The following RHBG variants were observed in gnomAD, a reference collection of about 807,000 sequenced individuals.
RHBG encodes the protein Rh family B glycoprotein, also known as ammonium transporter Rh type B.
Under a neutral mutation model 40.1 loss-of-function variants are expected in RHBG, and 39 were observed. The observed-to-expected ratio is 0.97, with a 90% CI of 0.75 to 1.27. RHBG has a LOEUF of 1.27. Ranked by LOEUF, RHBG falls within the 50% of genes most tolerant of loss-of-function variation. RHBG has a pLI of 0.00. For missense variants in RHBG, 549 were observed against 588.1 expected (o/e 0.93, Z 0.69); for synonymous variants, 237 against 252.5 (o/e 0.94, Z 0.58).
intron 4 of RHBG, among the ~76,000 whole-genome samples, chr1:156,379,658 C>T (rs1437258852): frequency 6.6e-6 from 1 of 152,154 alleles, no homozygotes; most frequent in African/African-American, 2.4e-5. Flanking sequence ...GAATGAGGCC[C>T]CTTCCTGGAT....
intron 7 of RHBG, chr1:156,382,459 T>G: frequency 3.2e-6 from 2 of 627,648 alleles, no homozygotes; most frequent in Non-Finnish European, 5.5e-6. Flanking sequence ...GATAATGACC[T>G]TTAGGATCTA....
intron 1 of RHBG, among the ~76,000 whole-genome samples, chr1:156,372,033 T>G (rs1666893212): frequency 6.6e-6 from 1 of 152,206 alleles, no homozygotes; most frequent in Non-Finnish European, 1.5e-5. Flanking sequence ...AGCCGGGTCC[T>G]CACCTGTCCT....
At chr1:156,369,497 G>A in intron 1 of RHBG, 61 bp downstream of exon 1, 7 of 1,503,632 alleles carry the variant, frequency 4.7e-6, no homozygotes, top group South Asian at 2.6e-5. Context: ...AGACCCTCCG[G>A]TGTCTTGGGA....
Position 156,382,803 on chromosome 1 carries a change from G to A in RHBG, c.1168G>A (p.Ala390Thr). 6.2e-7 allele frequency: 1 copy of A among 1,614,226 alleles called. No homozygotes were observed. The highest frequency in any genetic ancestry group is 8.5e-7 in the Non-Finnish European group (1 of 1,180,038). ...AEGQRSATSQ[A>T]MHQLFGLFVT... Reference sequence around the variant, plus strand: ...GGGCCAGCGCAGTGCCACGTCACAGGCCATGCACCAGCTCTTCGGGCTGTT... The same window carrying A: ...GGGCCAGCGCAGTGCCACGTCACAGACCATGCACCAGCTCTTCGGGCTGTT... Residue 390 changes from alanine (A) to threonine (T), a missense_variant, in exon 8 of 10, where the codon GCC becomes ACC. Ala to Thr is a moderately conservative substitution (Grantham distance 58). Around this residue, in one of 3 missense-constraint regions of RHBG, gnomAD observed 399 missense variants for 417.0 expected, o/e 0.96. Coordinates refer to ENST00000537040, the MANE Select transcript of RHBG (RefSeq NM_020407.5).
At chr1:156,381,030 G>A (rs1571012776) in intron 4 of RHBG, among the ~76,000 whole-genome samples, 1 of 152,096 alleles carries the variant, frequency 6.6e-6, no homozygotes, top group East Asian at 1.9e-4. Context: ...CCCCCAAGTA[G>A]CTGGAACTAC....
chr1:156,379,426 C>T (rs1251631041), intron 4 of RHBG, among the ~76,000 whole-genome samples: 1 of 152,012 alleles, frequency 6.6e-6, no homozygotes, highest in African/African-American at 2.4e-5. Flanking sequence ...GACTGAAGTA[C>T]CTATTCCTAT....
chr1:156,384,414 G>A (rs756879393), intron 8 of RHBG, 113 bp from the exon 9 acceptor site: 1 of 930,628 alleles, frequency 1.1e-6, no homozygotes, highest in East Asian at 2.4e-5. Flanking sequence ...GCCTGCACAG[G>A]CATCATATTG....
At position 156,382,755 on chromosome 1, in the gene RHBG, A is replaced by G. The variant is rs1557806610; in HGVS notation, c.1120A>G (p.Ser374Gly). ...TATCTGGTCTCCCTGCAGCCTGGAG[A>G]GTGTGTTTCCACTCATAGCCGAGGG... ...THEAYGDGLESVFPLIAEGQR... is the reference protein window; with the variant it reads ...THEAYGDGLEGVFPLIAEGQR... The change falls in exon 8 of 10, where the codon AGT (serine) becomes GGT (glycine). Residue 374 changes from serine (S) to glycine (G), a missense_variant. By Grantham distance (56) the Ser-to-Gly change is moderately conservative. This residue lies in a region of RHBG where 399 missense variants were observed against 417.0 expected (regional missense o/e 0.96). Coordinates refer to ENST00000537040, the MANE Select transcript of RHBG (RefSeq NM_020407.5). 6.2e-7 allele frequency: 1 copy of G among 1,613,902 alleles called. No homozygotes were observed. The highest frequency in any genetic ancestry group is 1.7e-5 in the Admixed American group (1 of 60,004).
chr1:156,381,102 A>C (rs913258115), intron 4 of RHBG, among the ~76,000 whole-genome samples: 2 of 152,052 alleles, frequency 1.3e-5, no homozygotes, highest in Non-Finnish European at 2.9e-5. Context: ...GGATTTCACT[A>C]TGTTGTCCAG....
At chr1:156,370,561 G>A (rs11264478) in intron 1 of RHBG, among the ~76,000 whole-genome samples, 20,327 of 134,986 alleles carry the variant, frequency 0.15, 1,465 homozygotes, top group East Asian at 0.21. Flanking sequence ...GCAGTGAGCC[G>A]AGATTGCACC....
chr1:156,375,455 A>AC (rs1491566204), intron 1 of RHBG, among the ~76,000 whole-genome samples: 3 of 19,892 alleles, frequency 1.5e-4, no homozygotes, highest in African/African-American at 2.9e-4. Flanking sequence ...CATATGGCAC[A>AC]AAAAAAAAAA....
At chr1:156,373,406 A>C (rs1666978782) in intron 1 of RHBG, among the ~76,000 whole-genome samples, 1 of 147,618 alleles carries the variant, frequency 6.8e-6, no homozygotes, top group Admixed American at 6.7e-5. Flanking sequence ...AGCCTGGGCA[A>C]CAGAGCAAGA....
chr1:156,381,898 C>T lies in RHBG; in HGVS notation c.933C>T (p.Gly311=). ...CACCCTTTGGGGCTCTGGCAGCTGG[C>T]TTCTTGGCTGGGACTGTCTCCACGC... is the stretch of plus-strand genomic sequence containing the variant. ...MLTPFGALAA[G]FLAGTVSTLG... is the part of the protein sequence containing the mutation. Residue 311 remains glycine, a synonymous_variant, in exon 6 of 10, where the codon GGC becomes GGT. Transcript: ENST00000537040. 1.2e-6 allele frequency: 2 copies of T among 1,608,816 alleles called. No individual in the cohort carries two copies. The highest frequency in any genetic ancestry group is 1.7e-6 in the Non-Finnish European group (2 of 1,178,932).
rs1167783077 is a variant in RHBG at position 156,384,821 on chromosome 1, G to A, written c.1353G>A (p.Val451=). ...ATAAAGCCCAGAGACCTCTGAGGGT[G>A]GAGGAGGCAGACACTCAGGCCTAAC... is the stretch of plus-strand genomic sequence containing the variant. ...HEDKAQRPLR[V]EEADTQA Residue 451 remains valine (V), a synonymous_variant, in exon 10 of 10, where the codon GTG becomes GTA. Coordinates refer to ENST00000537040, the MANE Select transcript of RHBG (RefSeq NM_020407.5). 6.2e-7 allele frequency: 1 copy of A among 1,613,460 alleles called. No homozygotes were observed. The highest frequency in any genetic ancestry group is 8.5e-7 in the Non-Finnish European group (1 of 1,179,564).
chr1:156,381,858 G>GTGAAA lies in RHBG; in HGVS notation c.897_901dup (p.Met301LysfsTer2). 1 of 1,598,964 alleles carries GTGAAA rather than the reference G, an allele frequency of 6.3e-7. No individual in the cohort carries two copies. The highest frequency in any genetic ancestry group is 8.5e-7 in the Non-Finnish European group (1 of 1,176,628). On this transcript the variant is annotated frameshift_variant, in exon 6 of 10. Transcript: ENST00000537040. LOFTEE classifies it high-confidence loss of function. Reference sequence around the variant, plus strand: ...GGAGGGGTTGTGGTGGGGACCTCAAGTGAAATGATGCTGACACCCTTTGGG... The same window carrying GTGAAA: ...GGAGGGGTTGTGGTGGGGACCTCAAGTGAAATGAAATGATGCTGACACCCTTTGGG...
In RHBG at chr1:156,382,776, G is replaced by C. The variant is rs1209119890; in HGVS notation, c.1141G>C (p.Glu381Gln). 2.0e-5 allele frequency: 32 copies of C among 1,614,046 alleles called. No individual in the cohort carries two copies. Among genetic ancestry groups the C allele is most frequent in the Non-Finnish European group, 2.5e-5 (30 of 1,180,046 alleles). ...GLESVFPLIA[E>Q]GQRSATSQAM... ...GGAGAGTGTGTTTCCACTCATAGCCGAGGGCCAGCGCAGTGCCACGTCACA... is the reference window on the plus strand; with the variant it reads ...GGAGAGTGTGTTTCCACTCATAGCCCAGGGCCAGCGCAGTGCCACGTCACA... The change falls in exon 8 of 10, where the codon GAG becomes CAG. Residue 381 changes from glutamate to glutamine, a missense_variant. Physicochemically the swap from Glu to Gln is conservative, Grantham distance 29. Around this residue, in one of 3 missense-constraint regions of RHBG, gnomAD observed 399 missense variants for 417.0 expected, o/e 0.96. Coordinates refer to ENST00000537040, the MANE Select transcript of RHBG (RefSeq NM_020407.5).
intron 4 of RHBG, 56 bp from the exon 5 acceptor site, chr1:156,381,291 A>C: frequency 6.3e-7 from 1 of 1,575,882 alleles, no homozygotes; most frequent in South Asian, 1.1e-5. Context: ...TACAACTTGT[A>C]CCTTGCGTGG....
intron 1 of RHBG, among the ~76,000 whole-genome samples, chr1:156,375,620 G>A (rs1184216302): frequency 6.6e-6 from 1 of 152,114 alleles, no homozygotes; most frequent in Non-Finnish European, 1.5e-5. Context: ...AGCAGCCTGG[G>A]CAGCAACATA....
intron 1 of RHBG, among the ~76,000 whole-genome samples, chr1:156,370,155 A>C (rs1666741520): frequency 1.3e-5 from 2 of 152,130 alleles, no homozygotes; most frequent in African/African-American, 4.8e-5. Context: ...TTTATTAAAA[A>C]TACAAAAATT....
Sources: gnomAD v4.1 joint callset for allele counts (sites outside exome capture counted in the v4.1 genomes callset) on GRCh38, gnomAD v4.1.1 for gene constraint, gnomAD v4.1.1 regional missense constraint, MANE v1.5 for transcripts, NCBI Gene and HGNC (gene_info 2026-07-23, HGNC 2026-07-21) for gene names.